The following TUBGCP2 variants were observed in gnomAD, a reference collection of about 807,000 sequenced individuals.
TUBGCP2 encodes the protein tubulin gamma complex component 2.
TUBGCP2 carries 55 observed loss-of-function variants against 92.2 expected under a neutral mutation model. The ratio of observed to expected loss-of-function variants is 0.60; its 90% CI spans 0.48 to 0.75. TUBGCP2 has a LOEUF of 0.75. TUBGCP2 is among the 30% of genes least tolerant of loss of function. The pLI is 0.00. For missense variants in TUBGCP2, 1,093 were observed against 1,188.9 expected (o/e 0.92, Z 1.19); for synonymous variants, 533 against 505.2 (o/e 1.06, Z -0.74).
chr10:133,303,062 T>G, intron 1 of TUBGCP2, 82 bp from the exon 2 acceptor site: 206 of 1,165,892 alleles, frequency 1.8e-4, no homozygotes, highest in Middle Eastern at 5.6e-4. Context: ...GACTGGCCAA[T>G]GTCAGGCTTT....
At chr10:133,287,747 A>C (rs538271503) in intron 11 of TUBGCP2, among the ~76,000 whole-genome samples, 26 of 152,224 alleles carry the variant, frequency 1.7e-4, no homozygotes, top group East Asian at 1.4e-3. Flanking sequence ...GTCTCAAAAA[A>C]AAAAACAAAA....
chr10:133,281,885 G>A (rs139974046), intron 16 of TUBGCP2, among the ~76,000 whole-genome samples: 70 of 152,372 alleles, frequency 4.6e-4, no homozygotes, highest in African/African-American at 1.4e-3. Context: ...CAGCCTGTCC[G>A]TGCCTGCTGA....
rs557772553 is a variant in TUBGCP2, at chr10:133,306,583, C to T, written c.-40+2240G>A. On this transcript the variant is annotated intron_variant, in intron 1 of 17. Coordinates refer to ENST00000252936, the MANE Select transcript of TUBGCP2 (RefSeq NM_006659.4). ...TGGGCGGATCATGAGGTCAGGAGATCGAGACCATCCTGGCTAACATGGTGA... is the reference window on the plus strand; with the variant it reads ...TGGGCGGATCATGAGGTCAGGAGATTGAGACCATCCTGGCTAACATGGTGA... Among the ~76,000 whole-genome samples the T allele has an allele frequency of 2.9e-3, 434 of 152,140 alleles. 1 individual carries two copies. The highest frequency in any genetic ancestry group is 3.8e-3 in the Non-Finnish European group (255 of 67,990).
chr10:133,309,939 G>A (rs1340359788), upstream of TUBGCP2: 3 of 1,613,414 alleles, frequency 1.9e-6, no homozygotes, highest in Admixed American at 1.7e-5. Context: ...GGAGTGGCAC[G>A]ATTCGCTCTT....
chr10:133,299,731 C>A, intron 3 of TUBGCP2, 128 bp from the exon 4 acceptor site: 1 of 907,452 alleles, frequency 1.1e-6, no homozygotes, highest in Non-Finnish European at 1.7e-6. Context: ...CAAAGCGACG[C>A]GTGCGACAGG....
chr10:133,293,385 G>A (rs1847410957), intron 6 of TUBGCP2, 147 bp from the exon 7 acceptor site: 6 of 1,205,816 alleles, frequency 5.0e-6, no homozygotes, highest in Admixed American at 4.5e-5. Flanking sequence ...AGGAGGAGAT[G>A]AGTCAGGACC....
chr10:133,281,934 G>C (rs1306439157), intron 16 of TUBGCP2, among the ~76,000 whole-genome samples: 1 of 152,272 alleles, frequency 6.6e-6, no homozygotes, highest in Non-Finnish European at 1.5e-5. Context: ...GCTCAGCAGG[G>C]ACAGCGGGTG....
At chr10:133,309,969 C>T (rs1387894251), upstream of TUBGCP2, 2 of 1,612,912 alleles carry the variant, frequency 1.2e-6, no homozygotes, top group South Asian at 1.1e-5. Flanking sequence ...GTCTGAGAGG[C>T]AGGACATGGT....
rs1847407588 is a variant in TUBGCP2, at chr10:133,293,256, A to T, written c.825-18T>A. The T allele has an allele frequency of 6.2e-7, 1 of 1,611,038 alleles. No homozygotes were observed. Among genetic ancestry groups the T allele is most frequent in the African/African-American group, 1.3e-5 (1 of 74,924 alleles). On this transcript the variant is annotated intron_variant, in intron 6 of 17. Transcript: ENST00000252936. ...CAATGAACCTGGAAGAAAAGCTGTC[A>T]GACTTCCTCAAAAAGGCAAGCTGCA...
chr10:133,289,074 C>G lies in TUBGCP2; in HGVS notation c.1361-54G>C. ...TCTCCACATGGTCGATCTCAGGCCC[C>G]AGCTGTCTTTGTCTACACAGGAGGC... is the stretch of plus-strand genomic sequence containing the variant. On this transcript the variant is annotated intron_variant, in intron 9 of 17. Coordinates refer to ENST00000252936, the MANE Select transcript of TUBGCP2 (RefSeq NM_006659.4). The G allele has an allele frequency of 1.9e-6, 3 of 1,571,022 alleles. No individual in the cohort carries two copies. The South Asian group carries it at 3.5e-5, about 19-fold the overall frequency.
intron 5 of TUBGCP2, chr10:133,295,748 T>C (rs1306000091): frequency 1.3e-5 from 2 of 152,416 alleles, no homozygotes; most frequent in African/African-American, 2.4e-5. Flanking sequence ...AAGGTCCTGA[T>C]GCTTTCCAAG....
Position 133,285,002 on chromosome 10 carries a change from G to C in TUBGCP2, c.2024+83C>G. ...GCCTAGAAAGCTGTCTACCAGGAGG[G>C]CACAAGGGGGGCGCTGCACCACTGG... is the stretch of plus-strand genomic sequence containing the variant. On this transcript the variant is annotated intron_variant, in intron 13 of 17. Transcript: ENST00000252936. The surrounding 1 kb of genome is among the most constrained non-coding windows in gnomAD (Gnocchi z 6.8). 6.6e-7 allele frequency: 1 copy of C among 1,507,982 alleles called. No homozygotes were observed. The highest frequency in any genetic ancestry group is 2.1e-5 in the Admixed American group (1 of 48,620). The allele number at this position is 1,507,982 out of a possible 1,614,324, so 93.4% of individuals were successfully genotyped here. A position where few individuals can be genotyped will look rare whatever the true frequency, so the allele number is the denominator to read the frequency against.
upstream of TUBGCP2, chr10:133,309,033 G>A (rs1847914575): frequency 7.9e-7 from 1 of 1,269,460 alleles, no homozygotes; most frequent in Non-Finnish European, 1.0e-6. Context: ...CCGCGGCTGG[G>A]GCCGCGCCCT....
intron 8 of TUBGCP2, among the ~76,000 whole-genome samples, chr10:133,291,298 G>A (rs1312237824): frequency 1.0e-4 from 10 of 100,256 alleles, no homozygotes; most frequent in African/African-American, 5.3e-4. Flanking sequence ...TGTGTCCCGG[G>A]GAGCCCTACC....
chr10:133,309,260 T>A, upstream of TUBGCP2: 1 of 1,059,882 alleles, frequency 9.4e-7, no homozygotes, highest in Non-Finnish European at 1.3e-6. Flanking sequence ...GAACGTGGAG[T>A]GGGCGGGGCC....
chr10:133,297,651 C>T (rs1280142008), intron 5 of TUBGCP2, among the ~76,000 whole-genome samples: 2 of 152,218 alleles, frequency 1.3e-5, no homozygotes, highest in East Asian at 1.9e-4. Flanking sequence ...ACCAGGATGC[C>T]GGCTGGGGAG....
In TUBGCP2 at chr10:133,285,919, A is replaced by T. The variant is rs1847124769; in HGVS notation, c.1723-291T>A. 6.6e-6 allele frequency among the ~76,000 whole-genome samples: 1 copy of T among 152,176 alleles called. No homozygotes were observed. Among genetic ancestry groups the T allele is most frequent in the Non-Finnish European group, 1.5e-5 (1 of 68,044 alleles). On this transcript the variant is annotated intron_variant, in intron 11 of 17. Coordinates refer to ENST00000252936, the MANE Select transcript of TUBGCP2 (RefSeq NM_006659.4). This position sits in a 1 kb window ranked among gnomAD's most constrained non-coding sequence, Gnocchi z 6.8. Reference sequence around the variant, plus strand: ...AAAACCGCTAAGGACGGTGAAAGAAACGTGATTCCTTAGGACGAAAACCTT... The same window carrying T: ...AAAACCGCTAAGGACGGTGAAAGAATCGTGATTCCTTAGGACGAAAACCTT...
upstream of TUBGCP2, chr10:133,309,736 G>A (rs150729578): frequency 6.2e-7 from 1 of 1,607,268 alleles, no homozygotes; most frequent in Non-Finnish European, 8.5e-7. Context: ...TTGGTTCCTC[G>A]CACCGGAGGA....
chr10:133,292,585 G>C lies in TUBGCP2; in HGVS notation c.1128C>G (p.Cys376Trp). Reference protein sequence around the residue: ...YTGDSQAQELCLYLTKAASAP... With the variant: ...YTGDSQAQELWLYLTKAASAP... ...CACTGGCCGCCTTGGTTAGGTACAG[G>C]CATAGCTCCTGCGCCTGGCTGTCCC... The change falls in exon 8 of 18, where the codon TGC becomes TGG. Residue 376 changes from cysteine to tryptophan, a missense_variant. Physicochemically the swap from Cys to Trp is radical, Grantham distance 215 (BLOSUM62 -2). Transcript: ENST00000252936. 6.2e-7 allele frequency: 1 copy of C among 1,614,220 alleles called. No individual in the cohort carries two copies.
Sources: gnomAD v4.1 joint callset for allele counts (sites outside exome capture counted in the v4.1 genomes callset) on GRCh38, gnomAD v4.1.1 for gene constraint, Gnocchi (gnomAD v3.1) non-coding constraint, MANE v1.5 for transcripts, NCBI Gene and HGNC (gene_info 2026-07-23, HGNC 2026-07-21) for gene names.